GOT1: variants seen among roughly 807,000 people sequenced by gnomAD.
GOT1 encodes glutamic-oxaloacetic transaminase 1, also known as aspartate aminotransferase, cytoplasmic.
Under a neutral mutation model 48.2 loss-of-function variants are expected in GOT1, and 25 were observed. The observed-to-expected ratio is 0.52, with a 90% CI of 0.38 to 0.72. GOT1 has a LOEUF of 0.72. GOT1 is among the 30% of genes least tolerant of loss of function. The probability of loss-of-function intolerance (pLI) is 0.00; values close to 1 mark genes in which losing one functional copy is unlikely to be tolerated. For missense variants in GOT1, 380 were observed against 520.1 expected (o/e 0.73, Z 2.62); for synonymous variants, 188 against 193.8 (o/e 0.97, Z 0.25).
At chr10:99,418,075 T>C (rs2032920794) in intron 2 of GOT1, among the ~76,000 whole-genome samples, 1 of 150,546 alleles carries the variant, frequency 6.6e-6, no homozygotes. Context: ...TATATATATA[T>C]AAAAAGAAGG....
rs776110451 is a variant in GOT1 at position 99,397,708 on chromosome 10, CAT to C, written c.1103-24_1103-23del. On this transcript the variant is annotated intron_variant, in intron 8 of 8. Transcript: ENST00000370508. This position sits in a 1 kb window ranked among gnomAD's most constrained non-coding sequence, Gnocchi z 5.4. ...TTGGCTGTTGAAAACCAAAAGAAGACATAATCAGAGCAGAGGGGATCCTTAAA... is the reference window on the plus strand; with the variant it reads ...TTGGCTGTTGAAAACCAAAAGAAGACAATCAGAGCAGAGGGGATCCTTAAA... 2.4e-5 allele frequency: 38 copies of C among 1,612,816 alleles called. No individual in the cohort carries two copies. Among genetic ancestry groups the C allele is most frequent in the Non-Finnish European group, 2.7e-5 (32 of 1,178,944 alleles).
At position 99,402,609 on chromosome 10, in the gene GOT1, A is replaced by G; in HGVS notation, c.1073T>C (p.Ile358Thr). 1 of 1,614,206 alleles carries G rather than the reference A, an allele frequency of 6.2e-7. No homozygotes were observed. The highest frequency in any genetic ancestry group is 8.5e-7 in the Non-Finnish European group (1 of 1,180,046). ...PGTWNHITDQ[I>T]GMFSFTGLNP... ...CAACCCAGTGAAGCTGAACATGCCAATTTGATCAGTGATGTGGTTCCAGGT... is the reference window on the plus strand; with the variant it reads ...CAACCCAGTGAAGCTGAACATGCCAGTTTGATCAGTGATGTGGTTCCAGGT... The change falls in exon 8 of 9, where the codon ATT (isoleucine) becomes ACT (threonine). Residue 358 changes from isoleucine (I) to threonine (T), a missense_variant. Transcript: ENST00000370508.
chr10:99,414,540 A>C (rs978645972), intron 2 of GOT1, among the ~76,000 whole-genome samples: 1 of 152,180 alleles, frequency 6.6e-6, no homozygotes, highest in African/African-American at 2.4e-5. Flanking sequence ...ATGAAGACAG[A>C]AAGTTAACAA....
chr10:99,429,158 T>A (rs1339674437), intron 1 of GOT1, among the ~76,000 whole-genome samples: 1 of 152,052 alleles, frequency 6.6e-6, no homozygotes, highest in Admixed American at 6.5e-5. Flanking sequence ...TAAGCAATTC[T>A]TCTGCCTCAG....
intron 2 of GOT1, among the ~76,000 whole-genome samples, chr10:99,418,790 A>C (rs1440042855): frequency 6.6e-6 from 1 of 152,070 alleles, no homozygotes; most frequent in Non-Finnish European, 1.5e-5. Context: ...GGCGTGCATC[A>C]CCACGCCTGG....
chr10:99,402,757 G>C, intron 7 of GOT1, 35 bp from the exon 8 acceptor site: 1 of 1,587,526 alleles, frequency 6.3e-7, no homozygotes, highest in Non-Finnish European at 8.6e-7. Context: ...TACCAATCCA[G>C]ACAGGAAAGA....
intron 1 of GOT1, among the ~76,000 whole-genome samples, chr10:99,429,859 A>C (rs1400364087): frequency 6.6e-6 from 1 of 152,188 alleles, no homozygotes; most frequent in Non-Finnish European, 1.5e-5. Context: ...TGTGACGGCC[A>C]GAACCATCTC....
chr10:99,403,007 A>G (rs1175646620), intron 7 of GOT1, among the ~76,000 whole-genome samples: 1 of 152,216 alleles, frequency 6.6e-6, no homozygotes, highest in Non-Finnish European at 1.5e-5. Context: ...GCTGCTATAG[A>G]TATTAATAGG....
chr10:99,419,466 T>G (rs2032939770), intron 2 of GOT1, among the ~76,000 whole-genome samples: 1 of 152,176 alleles, frequency 6.6e-6, no homozygotes, highest in African/African-American at 2.4e-5. Flanking sequence ...CAGGTAGGTC[T>G]CTTTACAAGC....
intron 1 of GOT1, among the ~76,000 whole-genome samples, chr10:99,426,095 G>A (rs1001896133): frequency 6.6e-6 from 1 of 152,130 alleles, no homozygotes; most frequent in Non-Finnish European, 1.5e-5. Context: ...ACAAGAGCTA[G>A]GCTGTCATAC....
intron 3 of GOT1, 132 bp from the exon 4 acceptor site, chr10:99,406,381 A>G: frequency 1.5e-6 from 1 of 671,798 alleles, no homozygotes; most frequent in Non-Finnish European, 2.7e-6. Flanking sequence ...GGGGGTTAAG[A>G]TGTAGAGGAA....
intron 8 of GOT1, among the ~76,000 whole-genome samples, chr10:99,399,019 C>A (rs1281712796): frequency 6.6e-6 from 1 of 152,186 alleles, no homozygotes; most frequent in Non-Finnish European, 1.5e-5. Flanking sequence ...GGACTCAGTG[C>A]TCCTTGAAGG....
chr10:99,407,783 TTTTA>T (rs10629267), intron 2 of GOT1, among the ~76,000 whole-genome samples: 84 of 148,790 alleles, frequency 5.6e-4, no homozygotes, highest in African/African-American at 1.9e-3. Flanking sequence ...AAAAGCCATA[TTTTA>T]TTTATTTATT....
intron 3 of GOT1, 31 bp downstream of exon 3, chr10:99,406,694 GT>G (rs1461858794): frequency 6.2e-7 from 1 of 1,605,344 alleles, no homozygotes; most frequent in African/African-American, 1.3e-5. Context: ...TCTGGTTTCT[GT>G]TTTTCCTCTC....
chr10:99,404,799 C>A lies in GOT1; in HGVS notation c.643-925G>T, dbSNP rs142612288. On this transcript the variant is annotated intron_variant, in intron 5 of 8. Coordinates refer to ENST00000370508, the MANE Select transcript of GOT1 (RefSeq NM_002079.3). ...TCAGCACAGACCCTGCCCCTATTCACTCTAGCCTCATCACTCACACTCCCC... is the reference window on the plus strand; with the variant it reads ...TCAGCACAGACCCTGCCCCTATTCAATCTAGCCTCATCACTCACACTCCCC... Among the ~76,000 whole-genome samples, 3 of 152,296 alleles carry A rather than the reference C, an allele frequency of 2.0e-5. No homozygotes were observed. The East Asian group carries it at 5.8e-4, about 29-fold the overall frequency.
rs759679111 is a variant in GOT1 at position 99,430,623 on chromosome 10, C to G, written c.-58G>C. 2.1e-5 allele frequency: 30 copies of G among 1,429,882 alleles called. No homozygotes were observed. Among genetic ancestry groups the G allele is most frequent in the Middle Eastern group, 1.8e-4 (1 of 5,478 alleles). The allele number at this position is 1,429,882 out of a possible 1,614,324, so 88.6% of individuals were successfully genotyped here. Reference sequence around the variant, plus strand: ...CACGCCCGGAGCTGGCAGGTCAGGTCTGGCCGTTGCGACTGGAGGAGACAC... The same window carrying G: ...CACGCCCGGAGCTGGCAGGTCAGGTGTGGCCGTTGCGACTGGAGGAGACAC... On this transcript the variant is annotated 5_prime_UTR_variant, in exon 1 of 9. Coordinates refer to ENST00000370508, the MANE Select transcript of GOT1 (RefSeq NM_002079.3).
chr10:99,430,308 G>A (rs1340954179), intron 1 of GOT1, 140 bp downstream of exon 1: 1 of 1,592,998 alleles, frequency 6.3e-7, no homozygotes, highest in Admixed American at 1.7e-5. Flanking sequence ...GGAAGCCTTC[G>A]TGGATCCAGC....
At chr10:99,412,394 A>G (rs1406759262) in intron 2 of GOT1, among the ~76,000 whole-genome samples, 6 of 151,914 alleles carry the variant, frequency 3.9e-5, no homozygotes, top group Admixed American at 3.3e-4. Flanking sequence ...AAGGAAGGTC[A>G]TCCTAGCTGC....
intron 2 of GOT1, among the ~76,000 whole-genome samples, chr10:99,412,536 C>A (rs1015223172): frequency 1.3e-5 from 2 of 151,806 alleles, no homozygotes; most frequent in African/African-American, 4.8e-5. Flanking sequence ...AGAGCTCGAA[C>A]AAAAGGCAGC....
Sources: allele counts gnomAD v4.1 joint callset (sites outside exome capture counted in the v4.1 genomes callset), GRCh38; gene constraint gnomAD v4.1.1; non-coding constraint Gnocchi (gnomAD v3.1); transcripts MANE v1.5; gene names NCBI Gene and HGNC (gene_info 2026-07-23, HGNC 2026-07-21).